Variants in PREP observed in about 807,000 individuals in gnomAD.
The protein encoded by PREP is prolyl endopeptidase.
In PREP, 29 loss-of-function variants were observed where a neutral mutation model predicts 87.6. That is an observed-to-expected ratio of 0.33 (90% CI 0.25 to 0.45). The LOEUF (loss-of-function observed/expected upper bound fraction) is 0.45, where lower values mean the gene tolerates loss of function less well. PREP is among the 20% of genes least tolerant of loss of function. The probability of loss-of-function intolerance (pLI) is 1.00; values close to 1 mark genes in which losing one functional copy is unlikely to be tolerated. For synonymous variants in PREP, 337 were observed against 328.6 expected (o/e 1.03, Z -0.28); for missense variants, 695 against 886.5 (o/e 0.78, Z 2.74).
At chr6:105,281,524 A>G in intron 14 of PREP, 1 of 480,834 alleles carries the variant, frequency 2.1e-6, no homozygotes. Context: ...TTGGGAGGCC[A>G]TCTGTAGAAT....
intron 6 of PREP, among the ~76,000 whole-genome samples, chr6:105,359,876 G>C (rs1772200252): frequency 6.6e-6 from 1 of 152,144 alleles, no homozygotes; most frequent in African/African-American, 2.4e-5. Context: ...CATCACAGCT[G>C]AAGTTCTCCC....
At chr6:105,346,235 C>T (rs1191997236) in intron 7 of PREP, among the ~76,000 whole-genome samples, 1 of 152,168 alleles carries the variant, frequency 6.6e-6, no homozygotes, top group Non-Finnish European at 1.5e-5. Flanking sequence ...TTTATCTCCC[C>T]TTTTCCACTC....
chr6:105,298,052 G>T (rs1770448967), intron 10 of PREP: 1 of 152,242 alleles, frequency 6.6e-6, no homozygotes, highest in African/African-American at 2.4e-5. Flanking sequence ...GCTGACCGAA[G>T]TTACATGCTA....
intron 7 of PREP, among the ~76,000 whole-genome samples, chr6:105,338,503 T>C (rs1771537315): frequency 1.3e-5 from 2 of 152,238 alleles, no homozygotes; most frequent in South Asian, 4.1e-4. Flanking sequence ...GATTTCTACA[T>C]TTCCAACTGA....
At position 105,278,301 on chromosome 6, in the gene PREP, A is replaced by G; in HGVS notation, c.1976T>C (p.Ile659Thr). 4 of 1,614,178 alleles carry G rather than the reference A, an allele frequency of 2.5e-6. No individual in the cohort carries two copies. The highest frequency in any genetic ancestry group is 3.4e-6 in the Non-Finnish European group (4 of 1,180,026). Residue 659 changes from isoleucine to threonine, a missense_variant, in exon 15 of 15, where the codon ATC (isoleucine) becomes ACC (threonine). Physicochemically the swap from Ile to Thr is moderately conservative, Grantham distance 89. Transcript: ENST00000652536. The surrounding 1 kb of genome is among the most constrained non-coding windows in gnomAD (Gnocchi z 4.2). ...SLKFIATLQY[I>T]VGRSRKQSNP... Reference sequence around the variant, plus strand: ...GCTTTGCTTCCTGCTGCGGCCCACGATGTACTGAAGGGTGGCAATGAACTT... The same window carrying G: ...GCTTTGCTTCCTGCTGCGGCCCACGGTGTACTGAAGGGTGGCAATGAACTT...
At chr6:105,318,681 G>A (rs546180947) in intron 10 of PREP, among the ~76,000 whole-genome samples, 2 of 152,270 alleles carry the variant, frequency 1.3e-5, no homozygotes, top group East Asian at 3.9e-4. Context: ...AGCAAGAACC[G>A]ATACCAATTC....
Position 105,274,294 on chromosome 6 carries a change from G to C in PREP, c.*3850C>G, listed in dbSNP as rs955535484. On this transcript the variant is annotated 3_prime_UTR_variant, in exon 15 of 15. Coordinates refer to ENST00000652536, the MANE Select transcript of PREP (RefSeq NM_002726.5). ...GTGTCCTCACATGGTGGAAGGGATGGGGCGGGGGGGTCTCTCCTTGGGCTC... is the reference window on the plus strand; with the variant it reads ...GTGTCCTCACATGGTGGAAGGGATGCGGCGGGGGGGTCTCTCCTTGGGCTC... Among the ~76,000 whole-genome samples the C allele has an allele frequency of 6.6e-6, 1 of 151,128 alleles. No homozygotes were observed. Among genetic ancestry groups the C allele is most frequent in the African/African-American group, 2.5e-5 (1 of 40,498 alleles).
At chr6:105,382,615 A>C (rs1772875255) in intron 2 of PREP, among the ~76,000 whole-genome samples, 1 of 152,238 alleles carries the variant, frequency 6.6e-6, no homozygotes, top group African/African-American at 2.4e-5. Context: ...TATTTATACA[A>C]AACACTACAA....
intron 7 of PREP, among the ~76,000 whole-genome samples, chr6:105,334,056 G>C (rs1422401972): frequency 1.3e-5 from 2 of 152,226 alleles, no homozygotes; most frequent in Non-Finnish European, 2.9e-5. Context: ...AAGGTCTACA[G>C]TGCCAAGTCT....
intron 6 of PREP, among the ~76,000 whole-genome samples, chr6:105,356,529 T>C (rs1772104035): frequency 6.6e-6 from 1 of 152,212 alleles, no homozygotes; most frequent in Non-Finnish European, 1.5e-5. Flanking sequence ...TCCCTCCTTT[T>C]GTTATTCTGC....
intron 6 of PREP, among the ~76,000 whole-genome samples, chr6:105,354,522 T>G (rs925709421): frequency 9.1e-6 from 1 of 109,372 alleles, no homozygotes; most frequent in African/African-American, 4.4e-5. Flanking sequence ...GTTTGTGAAG[T>G]TTTTTTTTTT....
At chr6:105,384,861 G>GA (rs1276816812) in intron 2 of PREP, among the ~76,000 whole-genome samples, 2 of 152,170 alleles carry the variant, frequency 1.3e-5, no homozygotes, top group Admixed American at 6.5e-5. Context: ...TGACCTAAGA[G>GA]AAAAAGACAG....
Position 105,333,417 on chromosome 6 carries a change from C to A in PREP, c.912G>T (p.Thr304=), listed in dbSNP as rs751908685. ...TNEGTVFTFK[T]NRQSPNYRVI... ...CGCGATAGTTGGGAGACTGGCGATT[C>A]GTCTTGAATGTGAACACCGTCCCCT... Residue 304 remains threonine, a synonymous_variant, in exon 8 of 15, where the codon ACG becomes ACT. Coordinates refer to ENST00000652536, the MANE Select transcript of PREP (RefSeq NM_002726.5). 1 of 1,614,170 alleles carries A rather than the reference C, an allele frequency of 6.2e-7. No individual in the cohort carries two copies. The highest frequency in any genetic ancestry group is 1.3e-5 in the African/African-American group (1 of 75,052).
At chr6:105,312,812 A>C (rs910634031) in intron 10 of PREP, among the ~76,000 whole-genome samples, 16 of 152,178 alleles carry the variant, frequency 1.1e-4, no homozygotes, top group African/African-American at 3.4e-4. Context: ...GAGCAGAACC[A>C]GGATGGGTCA....
At chr6:105,381,133 T>TA (rs1433099861) in intron 2 of PREP, among the ~76,000 whole-genome samples, 2 of 152,226 alleles carry the variant, frequency 1.3e-5, no homozygotes, top group Admixed American at 1.3e-4. Context: ...AAATGTTAGC[T>TA]AATTACTTTA....
chr6:105,399,602 T>C lies in PREP; in HGVS notation c.46-1675A>G, dbSNP rs74709036. On this transcript the variant is annotated intron_variant, in intron 1 of 14. Coordinates refer to ENST00000652536, the MANE Select transcript of PREP (RefSeq NM_002726.5). The stretch of plus-strand genomic sequence containing the variant: ...TACCAATTTTCAATTCTGACCTCTC[T>C]AAATTTTAGCAGATTGTCACCACCG... 8.4e-3 allele frequency among the ~76,000 whole-genome samples: 1,273 copies of C among 152,350 alleles called. 6 individuals are homozygous for C. The highest frequency in any genetic ancestry group is 0.014 in the Non-Finnish European group (962 of 68,024).
intron 10 of PREP, among the ~76,000 whole-genome samples, chr6:105,319,173 G>A (rs527892477): frequency 1.3e-5 from 2 of 152,218 alleles, no homozygotes; most frequent in East Asian, 3.9e-4. Flanking sequence ...TACTATAGCA[G>A]GTAATCCCCA....
Position 105,274,270 on chromosome 6 carries a change from T to G in PREP, c.*3874A>C, listed in dbSNP as rs1769891494. On this transcript the variant is annotated 3_prime_UTR_variant, in exon 15 of 15. Coordinates refer to ENST00000652536, the MANE Select transcript of PREP (RefSeq NM_002726.5). Reference sequence around the variant, plus strand: ...GGTTCATAGGTGACACCGTCTCCTGTGTCCTCACATGGTGGAAGGGATGGG... The same window carrying G: ...GGTTCATAGGTGACACCGTCTCCTGGGTCCTCACATGGTGGAAGGGATGGG... Among the ~76,000 whole-genome samples, 1 of 150,478 alleles carries G rather than the reference T, an allele frequency of 6.6e-6. No homozygotes were observed. Among genetic ancestry groups the G allele is most frequent in the Non-Finnish European group, 1.5e-5 (1 of 67,720 alleles).
chr6:105,291,636 C>T (rs1182752917), intron 10 of PREP, among the ~76,000 whole-genome samples: 1 of 152,182 alleles, frequency 6.6e-6, no homozygotes, highest in East Asian at 1.9e-4. Context: ...AGTTTTGGGA[C>T]TTGGACTGGC....
Sources: allele counts gnomAD v4.1 joint callset (sites outside exome capture counted in the v4.1 genomes callset), GRCh38; gene constraint gnomAD v4.1.1; non-coding constraint Gnocchi (gnomAD v3.1); transcripts MANE v1.5; gene names NCBI Gene and HGNC (gene_info 2026-07-23, HGNC 2026-07-21).